Variants in PCSK5 observed in about 807,000 individuals in gnomAD.
PCSK5 encodes the protein proprotein convertase subtilisin/kexin type 5.
Under a neutral mutation model 233.2 loss-of-function variants are expected in PCSK5, and 129 were observed. The ratio of observed to expected loss-of-function variants is 0.55; its 90% CI spans 0.48 to 0.64. The LOEUF (loss-of-function observed/expected upper bound fraction) is 0.64, where lower values mean the gene tolerates loss of function less well. Among genes scored for constraint, PCSK5 ranks in the 30% least tolerant of loss-of-function variants. The pLI is 0.00. For synonymous variants in PCSK5, 825 were observed against 879.2 expected (o/e 0.94, Z 1.09); for missense variants, 2,076 against 2,430.1 (o/e 0.85, Z 3.06).
At chr9:75,993,075 A>G (rs926835603) in intron 3 of PCSK5, among the ~76,000 whole-genome samples, 2 of 152,102 alleles carry the variant, frequency 1.3e-5, no homozygotes, top group South Asian at 2.1e-4. Flanking sequence ...AATGATTTAT[A>G]CTGTCATTTG....
At chr9:75,986,896 A>C (rs1271113539) in intron 3 of PCSK5, among the ~76,000 whole-genome samples, 1 of 152,186 alleles carries the variant, frequency 6.6e-6, no homozygotes, top group East Asian at 1.9e-4. Context: ...CTAATCTCTT[A>C]GGGATTTTAG....
intron 2 of PCSK5, among the ~76,000 whole-genome samples, chr9:75,964,796 G>A (rs1413689590): frequency 3.3e-5 from 5 of 152,154 alleles, no homozygotes; most frequent in African/African-American, 1.2e-4. Context: ...GGTGTAACAA[G>A]GCTATTTCCT....
chr9:76,248,349 AT>A (rs953233635), intron 24 of PCSK5, among the ~76,000 whole-genome samples: 83 of 151,646 alleles, frequency 5.5e-4, no homozygotes, highest in African/African-American at 1.5e-3. Context: ...CAATTAGAGC[AT>A]TTTTTTTTAA....
At chr9:75,900,235 A>C (rs2131196471) in intron 1 of PCSK5, among the ~76,000 whole-genome samples, 1 of 152,318 alleles carries the variant, frequency 6.6e-6, no homozygotes, top group South Asian at 2.1e-4. Flanking sequence ...AAGTGTCTTA[A>C]GCTCTCTGTT....
At position 76,274,053 on chromosome 9, in the gene PCSK5, G is replaced by A. The variant is rs1325817143; in HGVS notation, c.3143-18180G>A. On this transcript the variant is annotated intron_variant, in intron 24 of 37. Coordinates refer to ENST00000674117, the MANE Select transcript of PCSK5 (RefSeq NM_001372043.1). ...TTCCCATTCTCTCAGTTATCTCTTC[G>A]GAACTTTGACATTTTTTAGCCCTTC... Among the ~76,000 whole-genome samples the A allele has an allele frequency of 2.6e-5, 4 of 151,402 alleles. No homozygotes were observed. In the South Asian group the frequency reaches 6.2e-4, roughly 24 times the overall value.
intron 35 of PCSK5, among the ~76,000 whole-genome samples, chr9:76,345,664 C>T (rs1829960080): frequency 6.6e-6 from 1 of 151,940 alleles, no homozygotes; most frequent in Admixed American, 6.6e-5. Context: ...CCTCGTGATA[C>T]ACCCGCCTCA....
chr9:76,211,713 C>A (rs570086677), intron 20 of PCSK5, among the ~76,000 whole-genome samples: 1 of 152,128 alleles, frequency 6.6e-6, no homozygotes, highest in Non-Finnish European at 1.5e-5. Context: ...TCAGGCATGG[C>A]GGTGCACGCC....
intron 9 of PCSK5, among the ~76,000 whole-genome samples, chr9:76,132,914 G>GA (rs759346337): frequency 4.1e-4 from 62 of 151,914 alleles, no homozygotes; most frequent in South Asian, 8.3e-4. Context: ...GTATGATTGG[G>GA]AAAAAAATGT....
rs753653839 is a variant in PCSK5, at chr9:76,181,436, C to T, written c.2042C>T (p.Ala681Val). Reference protein sequence around the residue: ...VSSCPPGHYHADKKRCRKCAP... With the variant: ...VSSCPPGHYHVDKKRCRKCAP... ...AGCTGCCCCCCTGGCCACTACCACG[C>T]CGACAAGAAGCGCTGCAGGAAGTGT... Residue 681 changes from alanine to valine, a missense_variant, in exon 16 of 38, where the codon GCC becomes GTC. By Grantham distance (64) the Ala-to-Val change is moderately conservative (BLOSUM62 0). Coordinates refer to ENST00000674117, the MANE Select transcript of PCSK5 (RefSeq NM_001372043.1). 3.1e-6 allele frequency: 5 copies of T among 1,613,942 alleles called. No individual in the cohort carries two copies. The Admixed American group carries it at 8.3e-5, about 27-fold the overall frequency.
At chr9:76,069,832 A>G (rs1379795629) in intron 6 of PCSK5, among the ~76,000 whole-genome samples, 2 of 152,244 alleles carry the variant, frequency 1.3e-5, no homozygotes, top group Non-Finnish European at 2.9e-5. Context: ...TTCAATAGAA[A>G]GTAAGAGGAT....
intron 24 of PCSK5, among the ~76,000 whole-genome samples, chr9:76,290,256 G>T (rs1168622041): frequency 6.6e-6 from 1 of 152,180 alleles, no homozygotes; most frequent in Non-Finnish European, 1.5e-5. Flanking sequence ...GCCTCTGCTG[G>T]CCCTTACAAT....
chr9:76,044,815 A>AT lies in PCSK5; in HGVS notation c.632+17785dup, dbSNP rs530624199. 1.3e-3 allele frequency among the ~76,000 whole-genome samples: 203 copies of AT among 152,208 alleles called. 7 individuals are homozygous for AT. The South Asian group carries it at 0.038, about 29-fold the overall frequency. ...CAAAGTAATACTTGAATTTTTATTTATTTTTTTGTGAAGGGGACTATTCAA... is the reference window on the plus strand; with the variant it reads ...CAAAGTAATACTTGAATTTTTATTTATTTTTTTTGTGAAGGGGACTATTCAA... On this transcript the variant is annotated intron_variant, in intron 5 of 37. Transcript: ENST00000674117.
At chr9:75,902,214 TAAAAAAAA>T (rs200579439) in intron 1 of PCSK5, among the ~76,000 whole-genome samples, 2,268 of 53,242 alleles carry the variant, frequency 0.043, 77 homozygotes, top group African/African-American at 0.17. Context: ...AGACACCATC[TAAAAAAAA>T]AAAAAAAAAA....
At chr9:75,934,684 C>A (rs144398749) in intron 2 of PCSK5, among the ~76,000 whole-genome samples, 18 of 151,826 alleles carry the variant, frequency 1.2e-4, no homozygotes, top group Admixed American at 6.6e-4. Flanking sequence ...CGGGTTCAAG[C>A]GATTCTCCTG....
chr9:75,909,087 G>A (rs1174431701), intron 1 of PCSK5, among the ~76,000 whole-genome samples: 2 of 152,016 alleles, frequency 1.3e-5, no homozygotes, highest in African/African-American at 2.4e-5. Context: ...CACTTTGGTA[G>A]GCCGAGGTGG....
At chr9:76,212,525 A>T (rs1014889597) in intron 20 of PCSK5, among the ~76,000 whole-genome samples, 1 of 152,232 alleles carries the variant, frequency 6.6e-6, no homozygotes, top group Non-Finnish European at 1.5e-5. Flanking sequence ...GCACAGTGCT[A>T]CGCCAGGAGT....
intron 5 of PCSK5, among the ~76,000 whole-genome samples, chr9:76,047,040 A>T (rs1448941861): frequency 6.6e-6 from 1 of 152,098 alleles, no homozygotes; most frequent in East Asian, 1.9e-4. Context: ...CCTAGCCAAA[A>T]CAGGTAATAT....
intron 24 of PCSK5, among the ~76,000 whole-genome samples, chr9:76,272,225 T>C (rs1475472818): frequency 6.6e-6 from 1 of 152,098 alleles, no homozygotes; most frequent in Non-Finnish European, 1.5e-5. Context: ...GAACAAGTCT[T>C]TTCTACTTCC....
At chr9:75,974,903 T>G (rs1257017856) in intron 2 of PCSK5, among the ~76,000 whole-genome samples, 3 of 152,226 alleles carry the variant, frequency 2.0e-5, no homozygotes, top group Admixed American at 6.5e-5. Flanking sequence ...GTTGCATATT[T>G]ATCTTGTAAC....
Sources: allele counts gnomAD v4.1 joint callset (sites outside exome capture counted in the v4.1 genomes callset), GRCh38; gene constraint gnomAD v4.1.1; transcripts MANE v1.5; gene names NCBI Gene and HGNC (gene_info 2026-07-23, HGNC 2026-07-21).